Variants in ADAMTS7 observed in about 807,000 individuals in gnomAD.
The protein encoded by ADAMTS7 is ADAM metallopeptidase with thrombospondin type 1 motif 7.
A neutral mutation model predicts 172.6 loss-of-function variants in ADAMTS7; 89 were observed. That is an observed-to-expected ratio of 0.52 (90% CI 0.43 to 0.61). The LOEUF (loss-of-function observed/expected upper bound fraction) is 0.61. ADAMTS7 is among the 20% of genes least tolerant of loss of function. The pLI is 0.00. For missense variants in ADAMTS7, 1,973 were observed against 2,355.6 expected (o/e 0.84, Z 3.36); for synonymous variants, 885 against 978.4 (o/e 0.90, Z 1.78).
intron 1 of ADAMTS7, among the ~76,000 whole-genome samples, chr15:78,802,724 C>T (rs1161267713): frequency 2.6e-5 from 4 of 152,126 alleles, no homozygotes; most frequent in South Asian, 2.1e-4. Context: ...TGGTTGGGCA[C>T]GGTGGCTCAT....
At chr15:78,759,693 C>T in intron 23 of ADAMTS7, 115 bp from the exon 24 acceptor site, 2 of 1,296,780 alleles carry the variant, frequency 1.5e-6, no homozygotes, top group Non-Finnish European at 2.0e-6. Flanking sequence ...AGCAGAGAGC[C>T]CCAGTTTCTG....
At chr15:78,762,305 G>A (rs557072647) in intron 23 of ADAMTS7, 98 bp downstream of exon 23, 24 of 1,288,284 alleles carry the variant, frequency 1.9e-5, no homozygotes, top group Non-Finnish European at 2.3e-5. Flanking sequence ...GATGGAACCA[G>A]CCAGTGCCGT....
rs375540595 is a variant in ADAMTS7 at position 78,764,654 on chromosome 15, G to A, written c.4320C>T (p.Ser1440=). The change falls in exon 20 of 24, where the codon TCC becomes TCT. Residue 1440 remains serine, a synonymous_variant. Transcript: ENST00000388820. ...CGGGGGCGCAGTCCTCATCCCGGCC[G>A]GAGCTACAGCGCACCGGCCTCCAGA... ...GAVWRPVRCS[S]GRDEDCAPAG... The A allele has an allele frequency of 7.8e-5, 123 of 1,576,190 alleles. No homozygotes were observed. Among genetic ancestry groups the A allele is most frequent in the Non-Finnish European group, 9.2e-5 (108 of 1,170,058 alleles).
At chr15:78,804,193 C>T (rs1335429397) in intron 1 of ADAMTS7, among the ~76,000 whole-genome samples, 2 of 152,238 alleles carry the variant, frequency 1.3e-5, no homozygotes, top group Non-Finnish European at 2.9e-5. Flanking sequence ...ATATTCTCAA[C>T]AGTCCATCCC....
chr15:78,795,247 C>A (rs1235379698), intron 4 of ADAMTS7, among the ~76,000 whole-genome samples: 1 of 152,206 alleles, frequency 6.6e-6, no homozygotes, highest in Non-Finnish European at 1.5e-5. Flanking sequence ...CCAGCAATAG[C>A]CCTGCTGAAC....
chr15:78,782,957 G>A (rs1038520279), intron 8 of ADAMTS7, among the ~76,000 whole-genome samples: 35 of 151,284 alleles, frequency 2.3e-4, no homozygotes, highest in African/African-American at 7.8e-4. Flanking sequence ...CATACATGAA[G>A]GCCCAAGGCA....
At chr15:78,795,994 T>C (rs2055638018) in intron 4 of ADAMTS7, among the ~76,000 whole-genome samples, 1 of 152,172 alleles carries the variant, frequency 6.6e-6, no homozygotes, top group Non-Finnish European at 1.5e-5. Context: ...ATCTCATCCA[T>C]CATGTGGGGT....
At chr15:78,780,593 C>G (rs1295122837) in intron 8 of ADAMTS7, among the ~76,000 whole-genome samples, 1 of 151,690 alleles carries the variant, frequency 6.6e-6, no homozygotes, top group African/African-American at 2.4e-5. Flanking sequence ...CCCAGGGTCC[C>G]TTAAAGCACC....
chr15:78,779,241 G>A lies in ADAMTS7; in HGVS notation c.1323-1653C>T, dbSNP rs545338624. ...AGCAGCTGCTGGATGCAGTCCTAGT[G>A]CCCAAGATGATCACATGCCAGGCTG... On this transcript the variant is annotated intron_variant, in intron 8 of 23. Coordinates refer to ENST00000388820, the MANE Select transcript of ADAMTS7 (RefSeq NM_014272.5). 3.3e-4 allele frequency among the ~76,000 whole-genome samples: 50 copies of A among 152,300 alleles called. No homozygotes were observed. In the East Asian group the frequency reaches 9.5e-3, roughly 29 times the overall value.
rs939482795 is a variant in ADAMTS7 at position 78,766,896 on chromosome 15, G to A, written c.3015C>T (p.Gly1005=). Residue 1005 remains glycine (G), a synonymous_variant, in exon 19 of 24, where the codon GGC becomes GGT. Transcript: ENST00000388820. ...CGTGGCTGGAGGAGCCGCTGCCTGA[G>A]CCTTCAGGGCCCAGTGTGCCCAGGG... is the stretch of plus-strand genomic sequence containing the variant. ...RWPLGTLGPE[G]SGSGSSSHEL... is the part of the protein sequence containing the mutation. 6.2e-7 allele frequency: 1 copy of A among 1,609,514 alleles called. No individual in the cohort carries two copies. Among genetic ancestry groups the A allele is most frequent in the Non-Finnish European group, 8.5e-7 (1 of 1,179,074 alleles).
chr15:78,762,506 C>T lies in ADAMTS7; in HGVS notation c.4800G>A (p.Gln1600=), dbSNP rs140928610. 1.1e-5 allele frequency: 17 copies of T among 1,591,242 alleles called. No individual in the cohort carries two copies. Among genetic ancestry groups the T allele is most frequent in the Middle Eastern group, 1.8e-4 (1 of 5,584 alleles). Residue 1600 remains glutamine, a synonymous_variant, in exon 23 of 24, where the codon CAG becomes CAA. Coordinates refer to ENST00000388820, the MANE Select transcript of ADAMTS7 (RefSeq NM_014272.5). ...CACTGTCTTCCTCGGGCAGCCCTGT[C>T]TGGGTGTTGACACACTTGACCAGGC... is the stretch of plus-strand genomic sequence containing the variant. The part of the protein sequence containing the change: ...QRRLVKCVNT[Q]TGLPEEDSDQ...
At position 78,766,641 on chromosome 15, in the gene ADAMTS7, C is replaced by T; in HGVS notation, c.3270G>A (p.Gly1090=). The change falls in exon 19 of 24, where the codon GGG becomes GGA. Residue 1090 remains glycine (G), a synonymous_variant. Transcript: ENST00000388820. ...GTGGTGGGGGTGTCCGGTCCCCTGTCCCCGCCAGGTCTAGATCGGGCTCCT... is the reference window on the plus strand; with the variant it reads ...GTGGTGGGGGTGTCCGGTCCCCTGTTCCCGCCAGGTCTAGATCGGGCTCCT... ...PSEEPDLDLA[G]TGDRTPPPHS... is the part of the protein sequence containing the mutation. 6.2e-7 allele frequency: 1 copy of T among 1,610,090 alleles called. No individual in the cohort carries two copies. Among genetic ancestry groups the T allele is most frequent in the Non-Finnish European group, 8.5e-7 (1 of 1,179,384 alleles).
Position 78,800,356 on chromosome 15 carries a change from T to C in ADAMTS7, c.292A>G (p.Asn98Asp), listed in dbSNP as rs772730805. 6 of 1,605,298 alleles carry C rather than the reference T, an allele frequency of 3.7e-6. No individual in the cohort carries two copies. The South Asian group carries it at 4.4e-5, about 12-fold the overall frequency. ...GRELRFNLTA[N>D]QHLLAPGFVS... ...AAGCCGGGCGCCAGCAGGTGCTGATTGGCGGTCAGGTTGAAGCGCAGCTCG... is the reference window on the plus strand; with the variant it reads ...AAGCCGGGCGCCAGCAGGTGCTGATCGGCGGTCAGGTTGAAGCGCAGCTCG... Residue 98 changes from asparagine (N) to aspartate (D), a missense_variant, in exon 2 of 24, where the codon AAT becomes GAT. This residue lies in a region of ADAMTS7 where 306 missense variants were observed against 288.0 expected (regional missense o/e 1.06). Transcript: ENST00000388820.
rs139112621 is a variant in ADAMTS7 at position 78,762,547 on chromosome 15, C to T, written c.4759G>A (p.Gly1587Ser). 3.1e-4 allele frequency: 488 copies of T among 1,554,134 alleles called. 4 individuals are homozygous for T. The East Asian group carries it at 9.1e-3, about 29-fold the overall frequency. ...PWGQCSGPCGGGVQRRLVKCV... is the reference protein window; with the variant it reads ...PWGQCSGPCGSGVQRRLVKCV... Reference sequence around the variant, plus strand: ...TTGACCAGGCGCCGCTGGACACCACCACCACAGGGGCCTGAGCACTGAGGG... The same window carrying T: ...TTGACCAGGCGCCGCTGGACACCACTACCACAGGGGCCTGAGCACTGAGGG... The change falls in exon 23 of 24, where the codon GGT (glycine) becomes AGT (serine). Residue 1587 changes from glycine to serine, a missense_variant. Physicochemically the swap from Gly to Ser is moderately conservative, Grantham distance 56. This residue lies in a region of ADAMTS7 where 42 missense variants were observed against 78.3 expected (regional missense o/e 0.54). Transcript: ENST00000388820.
At chr15:78,785,954 T>A (rs567139777) in intron 8 of ADAMTS7, among the ~76,000 whole-genome samples, 4 of 150,606 alleles carry the variant, frequency 2.7e-5, no homozygotes, top group Non-Finnish European at 5.9e-5. Context: ...GAGACGGAGT[T>A]TTTTTGCTCT....
chr15:78,771,099 G>A lies in ADAMTS7; in HGVS notation c.2518+63C>T, dbSNP rs2055240643. 2.0e-6 allele frequency: 3 copies of A among 1,507,024 alleles called. No individual in the cohort carries two copies. Among genetic ancestry groups the A allele is most frequent in the African/African-American group, 1.4e-5 (1 of 71,860 alleles). 93.4% of individuals were successfully genotyped at this position (1,507,024 alleles called of 1,614,324 possible). A position where few individuals can be genotyped will look rare whatever the true frequency, so the allele number is the denominator to read the frequency against. ...GCCCAGCAGTGAGCTGGGAGCTGAAGCCAGTGTCCCTGTCCAGACACTAAG... is the reference window on the plus strand; with the variant it reads ...GCCCAGCAGTGAGCTGGGAGCTGAAACCAGTGTCCCTGTCCAGACACTAAG... On this transcript the variant is annotated intron_variant, in intron 16 of 23. Coordinates refer to ENST00000388820, the MANE Select transcript of ADAMTS7 (RefSeq NM_014272.5). The surrounding 1 kb of genome is among the most constrained non-coding windows in gnomAD (Gnocchi z 4.9).
Position 78,811,249 on chromosome 15 carries a change from C to G in ADAMTS7, c.-29G>C. ...AGGAACCGGGCGGCCGCCGGGTGAC[C>G]CCGCGCGCACGCTCTCGTCCGTCCC... On this transcript the variant is annotated 5_prime_UTR_variant, in exon 1 of 24. Transcript: ENST00000388820. 5 of 1,223,944 alleles carry G rather than the reference C, an allele frequency of 4.1e-6. No individual in the cohort carries two copies. The highest frequency in any genetic ancestry group is 5.1e-6 in the Non-Finnish European group (5 of 982,836). The allele number at this position is 1,223,944 out of a possible 1,614,324, so 75.8% of individuals were successfully genotyped here.
rs1010641725 is a variant in ADAMTS7, at chr15:78,800,415, G to A, written c.233C>T (p.Ala78Val). The A allele has an allele frequency of 5.6e-6, 9 of 1,609,306 alleles. No homozygotes were observed. The highest frequency in any genetic ancestry group is 7.6e-6 in the Non-Finnish European group (9 of 1,178,152). ...RKRDVSVRRD[A>V]PAFYELQYRG... is the part of the protein sequence containing the mutation. ...GTATTGTAGCTCGTAGAAGGCGGGC[G>A]CGTCTCGGCGCACAGATACATCCCG... The change falls in exon 2 of 24, where the codon GCG becomes GTG. Residue 78 changes from alanine (A) to valine (V), a missense_variant. Around this residue, in one of 8 missense-constraint regions of ADAMTS7, gnomAD observed 306 missense variants for 288.0 expected, o/e 1.06. Transcript: ENST00000388820.
intron 8 of ADAMTS7, among the ~76,000 whole-genome samples, chr15:78,782,775 G>C (rs1446721269): frequency 2.4e-4 from 36 of 152,074 alleles, no homozygotes; most frequent in Middle Eastern, 3.4e-3. Flanking sequence ...CAGGGCCTTA[G>C]TGCCAGGAGG....
Sources: gnomAD v4.1 joint callset for allele counts (sites outside exome capture counted in the v4.1 genomes callset) on GRCh38, gnomAD v4.1.1 for gene constraint, gnomAD v4.1.1 regional missense constraint, Gnocchi (gnomAD v3.1) non-coding constraint, MANE v1.5 for transcripts, NCBI Gene and HGNC (gene_info 2026-07-23, HGNC 2026-07-21) for gene names.